ADAMTSL1: variants seen among roughly 807,000 people sequenced by gnomAD.
ADAMTSL1 encodes ADAMTS like 1, also known as ADAMTS-like protein 1.
A neutral mutation model predicts 201.8 loss-of-function variants in ADAMTSL1; 126 were observed. The ratio of observed to expected loss-of-function variants is 0.62; its 90% CI spans 0.54 to 0.72. The LOEUF is 0.72. Among genes scored for constraint, ADAMTSL1 ranks in the 30% least tolerant of loss-of-function variants. ADAMTSL1 has a pLI of 0.00. For synonymous variants in ADAMTSL1, 1,121 were observed against 903.4 expected (o/e 1.24, Z -4.32); for missense variants, 2,679 against 2,277.8 (o/e 1.18, Z -3.59).
intron 1 of ADAMTSL1, among the ~76,000 whole-genome samples, chr9:18,101,838 C>T (rs1326003910): frequency 3.3e-5 from 5 of 152,138 alleles, no homozygotes; most frequent in Non-Finnish European, 7.3e-5. Context: ...TGCAGGTATG[C>T]ATGTCTTGAC....
intron 26 of ADAMTSL1, among the ~76,000 whole-genome samples, chr9:18,898,314 GGAGGAGCACAATGACCT>G (rs1829786018): frequency 6.6e-6 from 1 of 152,212 alleles, no homozygotes; most frequent in Non-Finnish European, 1.5e-5. Flanking sequence ...CCAGTTTAGA[GGAGGAGCACAATGACCT>G]GATGGAGCTG....
chr9:18,495,005 T>G (rs1391579802), intron 1 of ADAMTSL1, among the ~76,000 whole-genome samples: 1 of 152,136 alleles, frequency 6.6e-6, no homozygotes, highest in Non-Finnish European at 1.5e-5. Context: ...GGAAGTCAAT[T>G]GCAAAGTGCC....
At chr9:18,539,677 A>T (rs1157909759) in intron 3 of ADAMTSL1, among the ~76,000 whole-genome samples, 1 of 152,238 alleles carries the variant, frequency 6.6e-6, no homozygotes, top group Admixed American at 6.5e-5. Flanking sequence ...ATGGAATAGG[A>T]AACAAGAATG....
chr9:18,022,353 C>G (rs1396052716), intron 1 of ADAMTSL1, among the ~76,000 whole-genome samples: 1 of 152,236 alleles, frequency 6.6e-6, no homozygotes, highest in African/African-American at 2.4e-5. Context: ...GTATTGTTCT[C>G]CCTTTCCCAA....
Position 18,908,519 on chromosome 9 carries a change from C to G in ADAMTSL1, c.5260C>G (p.Arg1754Gly). The change falls in exon 29 of 29, where the codon CGC becomes GGC. Residue 1754 changes from arginine (R) to glycine (G), a missense_variant. Coordinates refer to ENST00000380548, the MANE Select transcript of ADAMTSL1 (RefSeq NM_001040272.6). ...CTGCCAACTCAGCCAGTTTAAATCT[C>G]GCTGCTGTGGAACTTGTGGCAAAGC... ...KLCQLSQFKS[R>G]CCGTCGKA 1 of 1,562,970 alleles carries G rather than the reference C, an allele frequency of 6.4e-7. No individual in the cohort carries two copies. Among genetic ancestry groups the G allele is most frequent in the Non-Finnish European group, 8.7e-7 (1 of 1,153,626 alleles).
At chr9:18,291,713 TCTTTCTCTC>T (rs1394377527) in intron 2 of ADAMTSL1, among the ~76,000 whole-genome samples, 11 of 131,998 alleles carry the variant, frequency 8.3e-5, no homozygotes, top group African/African-American at 3.4e-4. Flanking sequence ...TCTCTCTCTC[TCTTTCTCTC>T]TCTCTCTCTC....
intron 23 of ADAMTSL1, among the ~76,000 whole-genome samples, chr9:18,837,192 T>C (rs1033709962): frequency 3.9e-5 from 6 of 152,242 alleles, no homozygotes; most frequent in Non-Finnish European, 8.8e-5. Flanking sequence ...TGCCTACTTC[T>C]GTCTCAAAGA....
At chr9:18,002,822 G>C (rs1032213064) in intron 1 of ADAMTSL1, among the ~76,000 whole-genome samples, 2 of 152,036 alleles carry the variant, frequency 1.3e-5, no homozygotes, top group Non-Finnish European at 2.9e-5. Flanking sequence ...CAAAGTACAA[G>C]AGAGTTAAAT....
chr9:18,589,123 C>T (rs977444943), intron 4 of ADAMTSL1, among the ~76,000 whole-genome samples: 4 of 151,768 alleles, frequency 2.6e-5, no homozygotes, highest in South Asian at 2.1e-4. Flanking sequence ...GTGATCTGCC[C>T]ACCTTGGCCT....
chr9:18,726,180 A>C (rs1247936639), intron 15 of ADAMTSL1, among the ~76,000 whole-genome samples: 2 of 152,194 alleles, frequency 1.3e-5, no homozygotes, highest in East Asian at 3.8e-4. Context: ...AAATTTTATT[A>C]GATGTTTTTA....
chr9:18,213,847 C>T (rs1369207920), intron 2 of ADAMTSL1, among the ~76,000 whole-genome samples: 3 of 152,036 alleles, frequency 2.0e-5, no homozygotes. Flanking sequence ...TCAAGCAATT[C>T]CCCTGCCTCA....
intron 2 of ADAMTSL1, among the ~76,000 whole-genome samples, chr9:18,368,479 T>A (rs569226696): frequency 6.6e-6 from 1 of 152,174 alleles, no homozygotes; most frequent in Non-Finnish European, 1.5e-5. Context: ...CCTGCATATT[T>A]TATTTAGACA....
intron 20 of ADAMTSL1, among the ~76,000 whole-genome samples, chr9:18,811,376 T>C (rs1467360908): frequency 3.3e-5 from 5 of 152,092 alleles, no homozygotes; most frequent in Admixed American, 6.5e-5. Flanking sequence ...ACTGGGGTGG[T>C]GTAGAGGAGG....
At chr9:18,040,526 C>T (rs1012528181) in intron 1 of ADAMTSL1, among the ~76,000 whole-genome samples, 14 of 151,948 alleles carry the variant, frequency 9.2e-5, no homozygotes, top group African/African-American at 2.7e-4. Context: ...TATGTGTAGA[C>T]GAAATGTCTG....
chr9:18,712,125 G>C (rs1320135377), intron 14 of ADAMTSL1, among the ~76,000 whole-genome samples: 5 of 151,984 alleles, frequency 3.3e-5, no homozygotes, highest in Admixed American at 2.0e-4. Context: ...ACCAAAAGTA[G>C]ATAAAACCAC....
intron 2 of ADAMTSL1, among the ~76,000 whole-genome samples, chr9:18,222,405 A>G (rs1830293652): frequency 6.6e-6 from 1 of 151,482 alleles, no homozygotes; most frequent in South Asian, 2.1e-4. Flanking sequence ...TTCATTTTGT[A>G]CTTATCTTGG....
chr9:18,123,987 T>G (rs1259328132), intron 1 of ADAMTSL1, among the ~76,000 whole-genome samples: 1 of 152,098 alleles, frequency 6.6e-6, no homozygotes, highest in Non-Finnish European at 1.5e-5. Context: ...GCCATTCTAC[T>G]TGGTATGAAA....
intron 1 of ADAMTSL1, among the ~76,000 whole-genome samples, chr9:17,987,190 G>T (rs1364164438): frequency 6.6e-6 from 1 of 152,048 alleles, no homozygotes; most frequent in East Asian, 1.9e-4. Flanking sequence ...CTAAAGTAAT[G>T]GCAGTAGCAG....
At chr9:18,658,210 G>A (rs569268677) in intron 8 of ADAMTSL1, among the ~76,000 whole-genome samples, 1 of 152,090 alleles carries the variant, frequency 6.6e-6, no homozygotes, top group South Asian at 2.1e-4. Context: ...TCCTGACCTC[G>A]TGATCCGCCC....
Sources: gnomAD v4.1 joint callset for allele counts (sites outside exome capture counted in the v4.1 genomes callset) on GRCh38, gnomAD v4.1.1 for gene constraint, MANE v1.5 for transcripts, NCBI Gene and HGNC (gene_info 2026-07-23, HGNC 2026-07-21) for gene names.